Variants in KPNA4 observed in about 807,000 individuals in gnomAD.
KPNA4 encodes the protein karyopherin subunit alpha 4, also known as importin subunit alpha-3.
In KPNA4, 13 loss-of-function variants were observed where a neutral mutation model predicts 71.3. The observed-to-expected ratio is 0.18, with a 90% CI of 0.12 to 0.29. The LOEUF is 0.29. KPNA4 is among the 10% of genes least tolerant of loss of function. The pLI, the probability that KPNA4 is intolerant of heterozygous loss-of-function variation, is 1.00. For missense variants in KPNA4, 334 were observed against 603.2 expected (o/e 0.55, Z 4.67); for synonymous variants, 189 against 195.2 (o/e 0.97, Z 0.26).
At chr3:160,533,227 G>C (rs1487665196) in intron 5 of KPNA4, among the ~76,000 whole-genome samples, 1 of 152,070 alleles carries the variant, frequency 6.6e-6, no homozygotes, top group African/African-American at 2.4e-5. Flanking sequence ...GTTTCACCAT[G>C]CTGGCCAGGC....
At chr3:160,518,796 G>A (rs1457759369) in intron 11 of KPNA4, among the ~76,000 whole-genome samples, 2 of 152,068 alleles carry the variant, frequency 1.3e-5, no homozygotes, top group African/African-American at 4.8e-5. Context: ...GGGAGGCAGA[G>A]GTTGTAATGA....
At chr3:160,549,580 G>A (rs953174818) in intron 1 of KPNA4, among the ~76,000 whole-genome samples, 5 of 152,098 alleles carry the variant, frequency 3.3e-5, no homozygotes, top group Admixed American at 1.3e-4. Context: ...TTATTTGCCC[G>A]AATATGCAGG....
chr3:160,541,095 A>C (rs1721788446), intron 1 of KPNA4, among the ~76,000 whole-genome samples: 1 of 152,190 alleles, frequency 6.6e-6, no homozygotes, highest in African/African-American at 2.4e-5. Flanking sequence ...TGCTTTAATG[A>C]GGTGTAGATT....
At chr3:160,512,876 C>G (rs115200517) in intron 13 of KPNA4, among the ~76,000 whole-genome samples, 5,543 of 152,124 alleles carry the variant, frequency 0.036, 348 homozygotes, top group African/African-American at 0.13. Context: ...ACTAAAGAAT[C>G]ATGGCCAATA....
intron 12 of KPNA4, 57 bp downstream of exon 12, chr3:160,515,395 A>C (rs1721190461): frequency 1.4e-6 from 2 of 1,428,724 alleles, no homozygotes; most frequent in Non-Finnish European, 9.6e-7. Flanking sequence ...AATTTTACAA[A>C]TAGAAACTGT....
intron 12 of KPNA4, chr3:160,515,165 C>A (rs1390417042): frequency 3.8e-6 from 2 of 529,226 alleles, no homozygotes; most frequent in Admixed American, 1.9e-5. Context: ...ATAAGAATTA[C>A]ATAATATACA....
rs1720885706 is a variant in KPNA4, at chr3:160,501,684, A to T, written c.*420T>A. On this transcript the variant is annotated 3_prime_UTR_variant, in exon 17 of 17. Coordinates refer to ENST00000334256, the MANE Select transcript of KPNA4 (RefSeq NM_002268.5). The stretch of plus-strand genomic sequence containing the variant: ...CAAGGCCTGGGCTCATTTTCCTTTG[A>T]CTTATATGGGCAGCCTATTCTCTTT... 6.6e-6 allele frequency: 1 copy of T among 152,518 alleles called. No homozygotes were observed. Among genetic ancestry groups the T allele is most frequent in the African/African-American group, 2.4e-5 (1 of 41,386 alleles). 9.4% of individuals were successfully genotyped at this position (152,518 alleles called of 1,614,324 possible).
At chr3:160,504,170 G>A (rs943355033) in intron 16 of KPNA4, among the ~76,000 whole-genome samples, 1 of 152,156 alleles carries the variant, frequency 6.6e-6, no homozygotes, top group Non-Finnish European at 1.5e-5. Flanking sequence ...ACAACTGTAA[G>A]TAAATAGTCT....
At chr3:160,523,000 C>T (rs1721386058) in intron 10 of KPNA4, among the ~76,000 whole-genome samples, 2 of 151,916 alleles carry the variant, frequency 1.3e-5, no homozygotes, top group Admixed American at 1.3e-4. Context: ...TACGTTAGGT[C>T]CTAATTAGAA....
intron 1 of KPNA4, among the ~76,000 whole-genome samples, chr3:160,553,330 C>T (rs1162571193): frequency 1.3e-5 from 2 of 152,158 alleles, no homozygotes; most frequent in African/African-American, 4.8e-5. Flanking sequence ...AAAGCCAATC[C>T]GTAAGCAGGC....
chr3:160,504,382 T>C (rs542358283), intron 16 of KPNA4, among the ~76,000 whole-genome samples: 11 of 152,182 alleles, frequency 7.2e-5, no homozygotes, highest in South Asian at 2.1e-4. Context: ...TAAGGAGCAA[T>C]TGGTTTAATT....
intron 1 of KPNA4, among the ~76,000 whole-genome samples, chr3:160,552,508 T>C (rs544583279): frequency 1.3e-5 from 2 of 152,182 alleles, no homozygotes; most frequent in Non-Finnish European, 2.9e-5. Flanking sequence ...CTTAAGAATA[T>C]AGTGGTGTAC....
rs377157178 is a variant in KPNA4 at position 160,565,552 on chromosome 3, G to C, written c.-270C>G. 5 of 531,148 alleles carry C rather than the reference G, an allele frequency of 9.4e-6. No homozygotes were observed. Among genetic ancestry groups the C allele is most frequent in the African/African-American group, 2.0e-5 (1 of 49,254 alleles). 32.9% of individuals were successfully genotyped at this position (531,148 alleles called of 1,614,324 possible). Reference sequence around the variant, plus strand: ...CGACGGAATGTGCTGCCGGCTGAGAGGGGGAGGCAGCCTCGATCTGAGGGC... The same window carrying C: ...CGACGGAATGTGCTGCCGGCTGAGACGGGGAGGCAGCCTCGATCTGAGGGC... On this transcript the variant is annotated 5_prime_UTR_variant, in exon 1 of 17. Coordinates refer to ENST00000334256, the MANE Select transcript of KPNA4 (RefSeq NM_002268.5).
At chr3:160,562,223 G>A (rs1722258022) in intron 1 of KPNA4, among the ~76,000 whole-genome samples, 2 of 152,088 alleles carry the variant, frequency 1.3e-5, no homozygotes, top group Admixed American at 6.5e-5. Flanking sequence ...TGCCATAACC[G>A]TAAAATACAA....
At chr3:160,512,693 G>A (rs531616946) in intron 13 of KPNA4, among the ~76,000 whole-genome samples, 2 of 152,296 alleles carry the variant, frequency 1.3e-5, no homozygotes, top group East Asian at 3.9e-4. Context: ...TTAGCTGGGT[G>A]TAGTGGCGTG....
At position 160,519,569 on chromosome 3, in the gene KPNA4, T is replaced by C. The variant is rs888962363; in HGVS notation, c.903+2210A>G. 2.1e-5 allele frequency among the ~76,000 whole-genome samples: 3 copies of C among 145,756 alleles called. No individual in the cohort carries two copies. In the South Asian group the frequency reaches 6.6e-4, roughly 32 times the overall value. On this transcript the variant is annotated intron_variant, in intron 11 of 16. Coordinates refer to ENST00000334256, the MANE Select transcript of KPNA4 (RefSeq NM_002268.5). ...CAGCACTTTGGGAGGCTGAGGCGGG[T>C]GGATCATGAGGTCAGGAGATCGAGA...
intron 6 of KPNA4, 39 bp downstream of exon 6, chr3:160,531,423 A>T: frequency 9.4e-7 from 1 of 1,062,640 alleles, no homozygotes; most frequent in Non-Finnish European, 1.3e-6. Flanking sequence ...CAAAGGATAC[A>T]TTCTAAATTA....
intron 1 of KPNA4, among the ~76,000 whole-genome samples, chr3:160,541,649 G>GCGCACACACACA (rs376581446): frequency 3.4e-5 from 5 of 146,756 alleles, no homozygotes; most frequent in African/African-American, 1.0e-4. Context: ...TTATATACGC[G>GCGCACACACACA]CACACACACA....
intron 1 of KPNA4, chr3:160,564,706 T>C (rs2108564331): frequency 6.6e-6 from 1 of 152,172 alleles, no homozygotes; most frequent in Non-Finnish European, 1.5e-5. Flanking sequence ...AAAAAATGCC[T>C]TTAAGTGGAG....
Sources: allele counts gnomAD v4.1 joint callset (sites outside exome capture counted in the v4.1 genomes callset), GRCh38; gene constraint gnomAD v4.1.1; transcripts MANE v1.5; gene names NCBI Gene and HGNC (gene_info 2026-07-23, HGNC 2026-07-21).